The following LY96 variants were observed in gnomAD, a reference collection of about 807,000 sequenced individuals.
LY96 encodes the protein myeloid differentiation protein-2.
Under a neutral mutation model 18.9 loss-of-function variants are expected in LY96, and 18 were observed. That is an observed-to-expected ratio of 0.95 (90% CI 0.66 to 1.41). The LOEUF is 1.41. Among genes scored for constraint, LY96 ranks in the 40% most tolerant of loss-of-function variants. LY96 has a pLI of 0.00. For missense variants in LY96, 175 were observed against 182.4 expected (o/e 0.96, Z 0.23); for synonymous variants, 66 against 62.6 (o/e 1.06, Z -0.26).
chr8:74,029,481 G>T (rs1438247175), downstream of LY96, among the ~76,000 whole-genome samples: 1 of 152,134 alleles, frequency 6.6e-6, no homozygotes, highest in Non-Finnish European at 1.5e-5. Flanking sequence ...GATAGTGAAT[G>T]AGTTCTCATG....
intron 3 of LY96, among the ~76,000 whole-genome samples, chr8:74,010,908 GTT>G (rs67413268): frequency 6.8e-5 from 10 of 146,946 alleles, no homozygotes; most frequent in African/African-American, 2.5e-4. Context: ...GCAGATTACT[GTT>G]TTTTTTTTTA....
chr8:74,041,960 CT>C, the LY96 span, among the ~76,000 whole-genome samples: 17 of 152,120 alleles, frequency 1.1e-4, no homozygotes, highest in Admixed American at 1.0e-3. Flanking sequence ...CTTAATAAAA[CT>C]TGCTGGTTTT....
chr8:74,000,823 A>T (rs1221448058), intron 1 of LY96, among the ~76,000 whole-genome samples: 2 of 152,238 alleles, frequency 1.3e-5, no homozygotes, highest in South Asian at 2.1e-4. Context: ...TGCATCTAGC[A>T]ATGGTCTTCT....
chr8:74,030,337 A>C (rs1012377122), downstream of LY96, among the ~76,000 whole-genome samples: 4 of 152,100 alleles, frequency 2.6e-5, no homozygotes, highest in African/African-American at 9.7e-5. Context: ...ACATGGTGAA[A>C]TCCTGTCTCT....
chr8:73,996,107 A>T (rs1360870783), intron 1 of LY96, among the ~76,000 whole-genome samples: 1 of 152,206 alleles, frequency 6.6e-6, no homozygotes, highest in African/African-American at 2.4e-5. Flanking sequence ...TCAAGGCTGC[A>T]GTGAGCCATG....
At chr8:74,049,995 G>A in the LY96 span, among the ~76,000 whole-genome samples, 1 of 152,038 alleles carries the variant, frequency 6.6e-6, no homozygotes, top group Admixed American at 6.6e-5. Flanking sequence ...TCCAGCCTGG[G>A]CAACAGAGCA....
At chr8:74,016,247 GC>G (rs1308555145) in intron 3 of LY96, among the ~76,000 whole-genome samples, 2 of 152,240 alleles carry the variant, frequency 1.3e-5, no homozygotes, top group African/African-American at 4.8e-5. Flanking sequence ...TGCCCACAGA[GC>G]CTTGCTCACT....
At chr8:74,034,500 A>G in the LY96 span, among the ~76,000 whole-genome samples, 2 of 152,344 alleles carry the variant, frequency 1.3e-5, no homozygotes, top group Admixed American at 6.5e-5. Context: ...ATCATGAATT[A>G]TATAATTCTC....
chr8:74,036,010 G>C, the LY96 span, among the ~76,000 whole-genome samples: 1 of 152,188 alleles, frequency 6.6e-6, no homozygotes, highest in Non-Finnish European at 1.5e-5. Flanking sequence ...CTGAGGCTGT[G>C]TCATGGGTGC....
At chr8:74,043,539 A>G in the LY96 span, among the ~76,000 whole-genome samples, 1 of 152,058 alleles carries the variant, frequency 6.6e-6, no homozygotes, top group East Asian at 1.9e-4. Flanking sequence ...GTTGACTGGA[A>G]TTTGCTCATA....
At chr8:74,068,089 A>AAAATATATATAT in the LY96 span, among the ~76,000 whole-genome samples, 2 of 67,928 alleles carry the variant, frequency 2.9e-5, no homozygotes, top group African/African-American at 1.9e-4. Context: ...AAAAAAAAAA[A>AAAATATATATAT]ATATATATAT....
chr8:74,016,985 A>G (rs1289097602), intron 3 of LY96, among the ~76,000 whole-genome samples: 5 of 152,218 alleles, frequency 3.3e-5, no homozygotes, highest in African/African-American at 4.8e-5. Context: ...TAAAAACCAG[A>G]GTGTCTCTTC....
the LY96 span, among the ~76,000 whole-genome samples, chr8:74,082,915 T>C: frequency 5.2e-3 from 789 of 152,170 alleles, 9 homozygotes; most frequent in African/African-American, 0.018. Flanking sequence ...ATAGGAAGGG[T>C]ACTTTTCAAA....
chr8:74,057,698 C>T, the LY96 span, among the ~76,000 whole-genome samples: 1 of 152,272 alleles, frequency 6.6e-6, no homozygotes, highest in East Asian at 1.9e-4. Context: ...GCTAAGGCTT[C>T]CTTTAGGTCA....
the LY96 span, among the ~76,000 whole-genome samples, chr8:74,067,445 G>A: frequency 6.6e-6 from 1 of 152,048 alleles, no homozygotes; most frequent in Non-Finnish European, 1.5e-5. Flanking sequence ...CACTGGTCTC[G>A]AGGCTTCAAG....
chr8:74,060,887 C>A, the LY96 span, among the ~76,000 whole-genome samples: 2 of 152,110 alleles, frequency 1.3e-5, no homozygotes, highest in Non-Finnish European at 2.9e-5. Flanking sequence ...TCCAGTTTTC[C>A]GGTTTTGCCG....
At chr8:74,044,195 C>CTT in the LY96 span, among the ~76,000 whole-genome samples, 1 of 139,552 alleles carries the variant, frequency 7.2e-6, no homozygotes, top group Non-Finnish European at 1.6e-5. Context: ...TTTTCTTTTT[C>CTT]TTTTTTTTTT....
the LY96 span, among the ~76,000 whole-genome samples, chr8:74,085,129 G>A: frequency 7.2e-5 from 11 of 152,242 alleles, no homozygotes; most frequent in Non-Finnish European, 1.3e-4. Context: ...AGCTGCGGCA[G>A]TAAATGATTT....
chr8:74,083,241 G>C, the LY96 span, among the ~76,000 whole-genome samples: 2 of 151,938 alleles, frequency 1.3e-5, no homozygotes, highest in Non-Finnish European at 2.9e-5. Flanking sequence ...TTGAGACGTA[G>C]TCTTGTTCTG....
Sources: allele counts gnomAD v4.1 joint callset (sites outside exome capture counted in the v4.1 genomes callset), GRCh38; gene constraint gnomAD v4.1.1; transcripts MANE v1.5; gene names NCBI Gene and HGNC (gene_info 2026-07-23, HGNC 2026-07-21).